The following ZC3H12B variants were observed in gnomAD, a reference collection of about 807,000 sequenced individuals.
The protein encoded by ZC3H12B is zinc finger CCCH-type containing 12B.
A neutral mutation model predicts 43.9 loss-of-function variants in ZC3H12B; 7 were observed. That is an observed-to-expected ratio of 0.16 (90% CI 0.09 to 0.30). The LOEUF is 0.30. Among genes scored for constraint, ZC3H12B ranks in the 10% least tolerant of loss-of-function variants. ZC3H12B has a pLI of 1.00. For missense variants in ZC3H12B, 475 were observed against 670.2 expected (o/e 0.71, Z 3.22); for synonymous variants, 222 against 241.7 (o/e 0.92, Z 0.76).
the ZC3H12B span, among the ~76,000 whole-genome samples, chrX:65,212,954 C>T: frequency 9.4e-6 from 1 of 106,943 alleles, no homozygotes; most frequent in Non-Finnish European, 1.9e-5. Context: ...ATGGCACTTA[C>T]CATCATTGGT....
the ZC3H12B span, among the ~76,000 whole-genome samples, chrX:65,206,654 AATAG>A: frequency 3.6e-5 from 4 of 111,669 alleles, no homozygotes; most frequent in Non-Finnish European, 7.5e-5. Flanking sequence ...AAATAAAATA[AATAG>A]ATAGGACTTA....
At chrX:65,418,042 T>C (rs2066980078) in intron 3 of ZC3H12B, among the ~76,000 whole-genome samples, 1 of 112,173 alleles carries the variant, frequency 8.9e-6, no homozygotes, top group Non-Finnish European at 1.9e-5. Context: ...TAGAATTTTA[T>C]GAACTAGCTT....
the ZC3H12B span, among the ~76,000 whole-genome samples, chrX:65,184,098 A>G: frequency 9.0e-6 from 1 of 111,593 alleles, no homozygotes; most frequent in Non-Finnish European, 1.9e-5. Context: ...ACACATTAAC[A>G]TATAGTAAGT....
the ZC3H12B span, among the ~76,000 whole-genome samples, chrX:65,104,942 G>A: frequency 3.6e-5 from 4 of 111,651 alleles, no homozygotes; most frequent in Non-Finnish European, 7.5e-5. Flanking sequence ...CTACTATAAA[G>A]ACACATGCAC....
At chrX:65,083,115 G>A in the ZC3H12B span, among the ~76,000 whole-genome samples, 1 of 111,030 alleles carries the variant, frequency 9.0e-6, no homozygotes, top group African/African-American at 3.3e-5. Context: ...CTTACCTCAA[G>A]ATAATAAAAG....
chrX:65,255,806 T>C, the ZC3H12B span, among the ~76,000 whole-genome samples: 1 of 111,859 alleles, frequency 8.9e-6, no homozygotes, highest in African/African-American at 3.2e-5. Context: ...TCACATGCAA[T>C]AGCACACACA....
the ZC3H12B span, among the ~76,000 whole-genome samples, chrX:65,212,186 T>C: frequency 8.1e-5 from 4 of 49,422 alleles, no homozygotes; most frequent in Non-Finnish European, 1.3e-4. Flanking sequence ...ATATATTATA[T>C]ATTATATAAT....
chrX:65,096,380 C>T, the ZC3H12B span, among the ~76,000 whole-genome samples: 2 of 111,315 alleles, frequency 1.8e-5, no homozygotes, highest in African/African-American at 6.5e-5. Flanking sequence ...AAAATAAAAA[C>T]AAATTAAAAA....
chrX:65,279,297 CATT>C, the ZC3H12B span, among the ~76,000 whole-genome samples: 3 of 91,100 alleles, frequency 3.3e-5, no homozygotes, highest in African/African-American at 1.4e-4. Context: ...ACCTTACCAG[CATT>C]TTTTTTTTTT....
chrX:65,037,391 T>G, the ZC3H12B span, among the ~76,000 whole-genome samples: 1 of 111,974 alleles, frequency 8.9e-6, no homozygotes, highest in Non-Finnish European at 1.9e-5. Flanking sequence ...TTCTAATCCT[T>G]TTGCATATTT....
the ZC3H12B span, among the ~76,000 whole-genome samples, chrX:65,149,606 CA>C: frequency 1.9e-5 from 2 of 107,384 alleles, no homozygotes; most frequent in Non-Finnish European, 3.8e-5. Flanking sequence ...ACTAAAAATA[CA>C]AAAAAAATTA....
the ZC3H12B span, among the ~76,000 whole-genome samples, chrX:65,098,046 A>C: frequency 9.0e-6 from 1 of 111,545 alleles, no homozygotes; most frequent in East Asian, 2.8e-4. Flanking sequence ...TTTGTTTTTT[A>C]TCAGGATCCT....
At chrX:65,232,373 G>T in the ZC3H12B span, among the ~76,000 whole-genome samples, 1 of 111,496 alleles carries the variant, frequency 9.0e-6, no homozygotes, top group South Asian at 3.8e-4. Context: ...TGGTCCCTCC[G>T]TTCGGGGTCC....
At chrX:65,171,499 T>C in the ZC3H12B span, among the ~76,000 whole-genome samples, 2 of 111,318 alleles carry the variant, frequency 1.8e-5, no homozygotes, top group African/African-American at 3.3e-5. Flanking sequence ...CGAGACCCAC[T>C]TGAGGAGGCA....
the ZC3H12B span, among the ~76,000 whole-genome samples, chrX:65,165,887 G>T: frequency 4.1e-4 from 46 of 112,020 alleles, no homozygotes; most frequent in African/African-American, 1.4e-3. Context: ...CTCCACAAAG[G>T]TTGATCTAAT....
the ZC3H12B span, among the ~76,000 whole-genome samples, chrX:65,155,081 A>G: frequency 9.2e-6 from 1 of 108,643 alleles, no homozygotes; most frequent in African/African-American, 3.4e-5. Flanking sequence ...TCAGCATCCC[A>G]AGTAGCTGGG....
At chrX:65,064,034 G>T in the ZC3H12B span, among the ~76,000 whole-genome samples, 4 of 111,637 alleles carry the variant, frequency 3.6e-5, no homozygotes, top group African/African-American at 1.3e-4. Flanking sequence ...ATGTCTATTT[G>T]ATTCTTCTTT....
At chrX:65,192,465 G>A in the ZC3H12B span, among the ~76,000 whole-genome samples, 1 of 111,404 alleles carries the variant, frequency 9.0e-6, no homozygotes, top group Non-Finnish European at 1.9e-5. Flanking sequence ...TTTTTCCTCA[G>A]TATGATAGTA....
At chrX:65,199,150 G>A in the ZC3H12B span, among the ~76,000 whole-genome samples, 9,042 of 107,550 alleles carry the variant, frequency 0.084, 1,030 homozygotes, top group African/African-American at 0.29. Flanking sequence ...GATCTCGTAG[G>A]CATACTTAAT....
Sources: allele counts gnomAD v4.1 joint callset (sites outside exome capture counted in the v4.1 genomes callset), GRCh38; gene constraint gnomAD v4.1.1; transcripts MANE v1.5; gene names NCBI Gene and HGNC (gene_info 2026-07-23, HGNC 2026-07-21).